Variants in HAS3 observed in about 807,000 individuals in gnomAD.
HAS3 encodes HA synthase 3.
HAS3 carries 27 observed loss-of-function variants against 50.3 expected under a neutral mutation model. The ratio of observed to expected loss-of-function variants is 0.54; its 90% CI spans 0.40 to 0.74. The LOEUF (loss-of-function observed/expected upper bound fraction) is 0.74, where lower values mean the gene tolerates loss of function less well. Ranked by LOEUF, HAS3 falls within the 30% of genes least tolerant of loss-of-function variation. The pLI is 0.00. For missense variants in HAS3, 517 were observed against 742.8 expected, an observed-to-expected ratio of 0.70 and a Z score of 3.53; for synonymous variants, 339 against 310.9, an observed-to-expected ratio of 1.09 and a Z score of -0.95.
downstream of HAS3, chr16:69,118,077 C>A: frequency 2.0e-6 from 1 of 512,216 alleles, no homozygotes; most frequent in Non-Finnish European, 3.5e-6. Context: ...ACCAACCATC[C>A]TTGCACACCA....
At chr16:69,095,773 C>T in the HAS3 span, among the ~76,000 whole-genome samples, 2 of 152,006 alleles carry the variant, frequency 1.3e-5, no homozygotes, top group African/African-American at 4.8e-5. Context: ...TCCCCTCCAA[C>T]AAAGGCACCG....
intron 2 of HAS3, among the ~76,000 whole-genome samples, chr16:69,110,755 C>G (rs1960973374): frequency 6.6e-6 from 1 of 152,204 alleles, no homozygotes; most frequent in Non-Finnish European, 1.5e-5. Flanking sequence ...CAAGTCTTCT[C>G]TTACCTGTGA....
At position 69,114,850 on chromosome 16, in the gene HAS3, G is replaced by A; in HGVS notation, c.1246G>A (p.Val416Met). ...GAACATTCTCCTCTTCCTGCTGACG[G>A]TGCAGCTGGTGGGCATTATCAAGGC... is the stretch of plus-strand genomic sequence containing the variant. ...IWNILLFLLTVQLVGIIKATY... is the reference protein window; with the variant it reads ...IWNILLFLLTMQLVGIIKATY... The change falls in exon 4 of 4, where the codon GTG (valine) becomes ATG (methionine). Residue 416 changes from valine to methionine, a missense_variant. Physicochemically the swap from Val to Met is conservative, Grantham distance 21 (BLOSUM62 1). Transcript: ENST00000569188. The surrounding 1 kb of genome is among the most constrained non-coding windows in gnomAD (Gnocchi z 6.4). 6.2e-7 allele frequency: 1 copy of A among 1,614,010 alleles called. No individual in the cohort carries two copies. The highest frequency in any genetic ancestry group is 8.5e-7 in the Non-Finnish European group (1 of 1,179,986).
rs532317971 is a variant in HAS3, at chr16:69,107,945, G to A, written c.1-1451G>A. On this transcript the variant is annotated intron_variant, in intron 1 of 3. Coordinates refer to ENST00000569188, the MANE Select transcript of HAS3 (RefSeq NM_001199280.2). This position sits in a 1 kb window ranked among gnomAD's most constrained non-coding sequence, Gnocchi z 5.5. Reference sequence around the variant, plus strand: ...GCTGCTAGTGCCGGAGTCTCAGGTCGATTTAGGCAGTGACTGCGTGTTCTT... The same window carrying A: ...GCTGCTAGTGCCGGAGTCTCAGGTCAATTTAGGCAGTGACTGCGTGTTCTT... Among the ~76,000 whole-genome samples, 8 of 152,372 alleles carry A rather than the reference G, an allele frequency of 5.3e-5. No individual in the cohort carries two copies. The highest frequency in any genetic ancestry group is 1.2e-4 in the Non-Finnish European group (8 of 68,024).
At chr16:69,093,599 C>T in the HAS3 span, among the ~76,000 whole-genome samples, 2 of 139,398 alleles carry the variant, frequency 1.4e-5, no homozygotes, top group African/African-American at 2.7e-5. Context: ...GACATGATCT[C>T]GGCTCACCGC....
rs1429574206 is a variant in HAS3, at chr16:69,113,442, T to C, written c.638T>C (p.Val213Ala). The stretch of plus-strand genomic sequence containing the variant: ...GCTGACGACGCACTCCCTCTGCAGG[T>C]GTGCGACTCTGACACTGTGCTGGAT... Reference protein sequence around the residue: ...ALGDSVDYIQVCDSDTVLDPA... With the variant: ...ALGDSVDYIQACDSDTVLDPA... The change falls in exon 3 of 4, where the codon GTG becomes GCG. Residue 213 changes from valine to alanine, a missense_variant and splice_region_variant. Coordinates refer to ENST00000569188, the MANE Select transcript of HAS3 (RefSeq NM_001199280.2). 6.2e-7 allele frequency: 1 copy of C among 1,606,282 alleles called. No homozygotes were observed. The highest frequency in any genetic ancestry group is 2.2e-5 in the East Asian group (1 of 44,822).
chr16:69,109,422 G>A lies in HAS3; in HGVS notation c.27G>A (p.Leu9=), dbSNP rs117597766. MPVQLTTA[L]RVVGTSLFAL... is the part of the protein sequence containing the mutation. ...TGCCGGTGCAGCTGACGACAGCCCT[G>A]CGTGTGGTGGGCACCAGCCTGTTTG... The change falls in exon 2 of 4, where the codon CTG becomes CTA. Residue 9 remains leucine (L), a synonymous_variant. Coordinates refer to ENST00000569188, the MANE Select transcript of HAS3 (RefSeq NM_001199280.2). This position sits in a 1 kb window ranked among gnomAD's most constrained non-coding sequence, Gnocchi z 5.3. 7 of 1,610,342 alleles carry A rather than the reference G, an allele frequency of 4.3e-6. No homozygotes were observed. The highest frequency in any genetic ancestry group is 1.1e-5 in the South Asian group (1 of 90,940).
At chr16:69,110,748 GTCTTC>G (rs1322014761) in intron 2 of HAS3, among the ~76,000 whole-genome samples, 3 of 152,190 alleles carry the variant, frequency 2.0e-5, no homozygotes, top group African/African-American at 4.8e-5. Flanking sequence ...TCTGTCTCAA[GTCTTC>G]TCTTACCTGT....
intron 2 of HAS3, 97 bp downstream of exon 2, chr16:69,110,128 T>G: frequency 1.6e-6 from 2 of 1,263,388 alleles, no homozygotes; most frequent in East Asian, 2.4e-5. Flanking sequence ...CTAGGTCCCT[T>G]GGGTTGTGCA....
rs1453815250 is a variant in HAS3 at position 69,106,807 on chromosome 16, G to A, written c.-1+1020G>A. The stretch of plus-strand genomic sequence containing the variant: ...CCCCTCCCCTGGCCGGCCTGGAGGG[G>A]CCCGGAGGGCGGCCGGGCACAAGAG... On this transcript the variant is annotated intron_variant, in intron 1 of 3. Coordinates refer to ENST00000569188, the MANE Select transcript of HAS3 (RefSeq NM_001199280.2). The surrounding 1 kb of genome is among the most constrained non-coding windows in gnomAD (Gnocchi z 5.5). The A allele has an allele frequency of 2.0e-5, 3 of 152,152 alleles. No homozygotes were observed. Among genetic ancestry groups the A allele is most frequent in the Non-Finnish European group, 4.4e-5 (3 of 68,028 alleles). The allele number at this position is 152,152 out of a possible 1,614,324, so 9.4% of individuals were successfully genotyped here.
rs530491358 is a variant in HAS3 at position 69,115,709 on chromosome 16, G to C, written c.*443G>C. 18 of 989,988 alleles carry C rather than the reference G, an allele frequency of 1.8e-5. No homozygotes were observed. Among genetic ancestry groups the C allele is most frequent in the East Asian group, 1.1e-4 (1 of 8,888 alleles). 61.3% of individuals were successfully genotyped at this position (989,988 alleles called of 1,614,324 possible). On this transcript the variant is annotated 3_prime_UTR_variant, in exon 4 of 4. Coordinates refer to ENST00000569188, the MANE Select transcript of HAS3 (RefSeq NM_001199280.2). ...GAATTTCTACTGAGCGAGCTGGGCC[G>C]GTTAGTGTATGTCACCCCCACCCCA...
Position 69,105,770 on chromosome 16 carries a change from G to C in HAS3, c.-18G>C, listed in dbSNP as rs1960772146. Reference sequence around the variant, plus strand: ...CAGAAGTCGGGGAAGAGTGCTCTCAGCTCGCCTTCCTTGCAGGGTGAGTAG... The same window carrying C: ...CAGAAGTCGGGGAAGAGTGCTCTCACCTCGCCTTCCTTGCAGGGTGAGTAG... On this transcript the variant is annotated 5_prime_UTR_variant, in exon 1 of 4. Transcript: ENST00000569188. The C allele has an allele frequency of 6.6e-6, 1 of 152,280 alleles. No homozygotes were observed. Among genetic ancestry groups the C allele is most frequent in the African/African-American group, 2.4e-5 (1 of 41,472 alleles). 9.4% of individuals were successfully genotyped at this position (152,280 alleles called of 1,614,324 possible). A position where few individuals can be genotyped will look rare whatever the true frequency, so the allele number is the denominator to read the frequency against.
At chr16:69,085,032 T>A in the HAS3 span, 1 of 152,330 alleles carries the variant, frequency 6.6e-6, no homozygotes, top group Non-Finnish European at 1.5e-5. Flanking sequence ...TTAAGGAATA[T>A]TTCCATTCAG....
chr16:69,113,638 G>A, intron 3 of HAS3, 96 bp downstream of exon 3: 1 of 727,750 alleles, frequency 1.4e-6, no homozygotes, highest in Non-Finnish European at 2.3e-6. Context: ...TGACTTCCTA[G>A]TATTGGGGGG....
the HAS3 span, chr16:69,084,994 GAGTT>G: frequency 1.3e-5 from 2 of 152,338 alleles, no homozygotes; most frequent in Admixed American, 1.3e-4. Context: ...AGTGAGCAGA[GAGTT>G]AGAACAAATC....
chr16:69,096,950 A>T, the HAS3 span, among the ~76,000 whole-genome samples: 2 of 152,102 alleles, frequency 1.3e-5, no homozygotes, highest in East Asian at 3.9e-4. Flanking sequence ...TGATCCCAGG[A>T]GTTCGAGACC....
chr16:69,111,878 C>T (rs1406645802), intron 2 of HAS3, among the ~76,000 whole-genome samples: 1 of 152,254 alleles, frequency 6.6e-6, no homozygotes, highest in Non-Finnish European at 1.5e-5. Context: ...CCCCACCCTG[C>T]CATCTCCCTT....
chr16:69,083,967 A>G, the HAS3 span: 3 of 209,270 alleles, frequency 1.4e-5, no homozygotes, highest in South Asian at 3.7e-4. Flanking sequence ...ATATTTTAAC[A>G]TGACTGATGG....
At chr16:69,092,635 G>C in the HAS3 span, among the ~76,000 whole-genome samples, 1 of 148,462 alleles carries the variant, frequency 6.7e-6, no homozygotes, top group Non-Finnish European at 1.5e-5. Context: ...TTCCCTGCTT[G>C]TTTAAATGGA....
Sources: gnomAD v4.1 joint callset for allele counts (sites outside exome capture counted in the v4.1 genomes callset) on GRCh38, gnomAD v4.1.1 for gene constraint, Gnocchi (gnomAD v3.1) non-coding constraint, MANE v1.5 for transcripts, NCBI Gene and HGNC (gene_info 2026-07-23, HGNC 2026-07-21) for gene names.